Variants in GLYATL2 observed in about 807,000 individuals in gnomAD.
The protein encoded by GLYATL2 is glycine-N-acyltransferase like 2.
GLYATL2 carries 25 observed loss-of-function variants against 21.4 expected under a neutral mutation model. That is an observed-to-expected ratio of 1.17 (90% CI 0.85 to 1.63). The LOEUF is 1.63. Ranked by LOEUF, GLYATL2 falls within the 40% of genes most tolerant of loss-of-function variation. The pLI, the probability that GLYATL2 is intolerant of heterozygous loss-of-function variation, is 0.00. For synonymous variants in GLYATL2, 114 were observed against 118.2 expected (o/e 0.96, Z 0.23); for missense variants, 361 against 343.3 (o/e 1.05, Z -0.41).
chr11:58,854,074 G>A (rs754422991), intron 1 of GLYATL2, among the ~76,000 whole-genome samples: 9 of 152,100 alleles, frequency 5.9e-5, no homozygotes, highest in Non-Finnish European at 1.0e-4. Flanking sequence ...TCTGTGCCTG[G>A]TTTATTTTAC....
chr11:58,844,410 G>C (rs1853606337), intron 1 of GLYATL2, 24 bp downstream of exon 1: 1 of 152,144 alleles, frequency 6.6e-6, no homozygotes, highest in Admixed American at 6.5e-5. Context: ...AGATAAAAAG[G>C]CTGTTCTAAA....
intron 1 of GLYATL2, among the ~76,000 whole-genome samples, chr11:58,877,054 G>T (rs1027049050): frequency 6.6e-6 from 1 of 152,230 alleles, no homozygotes; most frequent in Non-Finnish European, 1.5e-5. Flanking sequence ...TGCTAGCAAT[G>T]AGTGAGGCTC....
intron 1 of GLYATL2, among the ~76,000 whole-genome samples, chr11:58,882,655 C>A (rs1854361580): frequency 6.6e-6 from 1 of 152,120 alleles, no homozygotes; most frequent in South Asian, 2.1e-4. Flanking sequence ...AAGTCCTTGC[C>A]CATGCCGATG....
At chr11:58,884,026 G>A (rs997854238) in intron 1 of GLYATL2, among the ~76,000 whole-genome samples, 3 of 152,098 alleles carry the variant, frequency 2.0e-5, no homozygotes, top group African/African-American at 4.8e-5. Context: ...AGTCCTTCAC[G>A]CTAAAAACTC....
At chr11:58,897,537 G>A (rs962505924) in intron 1 of GLYATL2, among the ~76,000 whole-genome samples, 1 of 151,802 alleles carries the variant, frequency 6.6e-6, no homozygotes, top group Non-Finnish European at 1.5e-5. Flanking sequence ...CTTCCCACCT[G>A]CCCCAACCAA....
intron 1 of GLYATL2, among the ~76,000 whole-genome samples, chr11:58,891,089 A>G (rs1038705810): frequency 8.5e-5 from 13 of 152,104 alleles, no homozygotes; most frequent in African/African-American, 3.1e-4. Flanking sequence ...TTTTAAATTC[A>G]CTGAGATTTT....
At chr11:58,874,483 G>A (rs866910554) in intron 1 of GLYATL2, among the ~76,000 whole-genome samples, 13 of 152,330 alleles carry the variant, frequency 8.5e-5, no homozygotes, top group Middle Eastern at 3.4e-3. Flanking sequence ...ATTCTGGAAT[G>A]TTGTGTCTTT....
intron 1 of GLYATL2, among the ~76,000 whole-genome samples, chr11:58,841,437 G>T (rs1482276894): frequency 1.3e-5 from 2 of 152,140 alleles, no homozygotes; most frequent in Non-Finnish European, 2.9e-5. Flanking sequence ...TTGTCATGAG[G>T]ATTTCATTGC....
At chr11:58,869,025 C>T (rs184451305) in intron 1 of GLYATL2, among the ~76,000 whole-genome samples, 1 of 151,288 alleles carries the variant, frequency 6.6e-6, no homozygotes, top group East Asian at 2.0e-4. Flanking sequence ...TTTGTGGGTA[C>T]CAGATGGTGG....
chr11:58,859,098 G>A (rs1033412002), intron 1 of GLYATL2, among the ~76,000 whole-genome samples: 1 of 152,122 alleles, frequency 6.6e-6, no homozygotes, highest in African/African-American at 2.4e-5. Context: ...TGTAGTCTGT[G>A]GAGAAAATGT....
intron 1 of GLYATL2, among the ~76,000 whole-genome samples, chr11:58,853,490 C>T (rs1425716660): frequency 6.6e-6 from 1 of 152,140 alleles, no homozygotes; most frequent in Non-Finnish European, 1.5e-5. Flanking sequence ...GGAACCAATT[C>T]CTCCAGGATA....
rs969145007 is a variant in GLYATL2 at position 58,876,248 on chromosome 11, G to A, written n.60+27908C>T. ...CCATTGGTTCTAACTTCCTCCTTTA[G>A]CTTGGAGTAGTTTGATCTTCTGAAG... On this transcript the variant is annotated intron_variant and non_coding_transcript_variant, in intron 1 of 4. Coordinates refer to the GLYATL2 transcript ENST00000533636. Among the ~76,000 whole-genome samples the A allele has an allele frequency of 2.6e-5, 4 of 152,230 alleles. No individual in the cohort carries two copies. The East Asian group carries it at 7.7e-4, about 29-fold the overall frequency.
chr11:58,866,024 T>C (rs1403193904), intron 1 of GLYATL2, among the ~76,000 whole-genome samples: 1 of 148,892 alleles, frequency 6.7e-6, no homozygotes, highest in Non-Finnish European at 1.5e-5. Context: ...GCATGTCCTG[T>C]GGATCCCACA....
chr11:58,861,616 T>A (rs1170252254), intron 1 of GLYATL2, among the ~76,000 whole-genome samples: 1 of 151,992 alleles, frequency 6.6e-6, no homozygotes, highest in African/African-American at 2.4e-5. Context: ...ATGGGCTTAG[T>A]TTGTTCTTTT....
chr11:58,906,345 C>G (rs564571160), upstream of GLYATL2, among the ~76,000 whole-genome samples: 1 of 152,290 alleles, frequency 6.6e-6, no homozygotes, highest in South Asian at 2.1e-4. Context: ...TCGTTTGACC[C>G]TGGTGGATCC....
intron 1 of GLYATL2, among the ~76,000 whole-genome samples, chr11:58,888,285 T>C (rs150893669): frequency 7.2e-5 from 11 of 152,240 alleles, no homozygotes; most frequent in Non-Finnish European, 1.5e-4. Context: ...GATGGAGATT[T>C]TGACATGAAG....
At chr11:58,836,567 G>GTA (rs10624171) in intron 5 of GLYATL2, among the ~76,000 whole-genome samples, 38,944 of 151,974 alleles carry the variant, frequency 0.26, 5,408 homozygotes, top group East Asian at 0.5. Flanking sequence ...TTGCAGTAAA[G>GTA]TGTGTATGTG....
chr11:58,873,193 G>A (rs1040686146), intron 1 of GLYATL2, among the ~76,000 whole-genome samples: 15 of 151,174 alleles, frequency 9.9e-5, no homozygotes, highest in Non-Finnish European at 1.9e-4. Context: ...GGGCTGAGAC[G>A]ATGGGGTTTT....
chr11:58,834,932 C>T, intron 5 of GLYATL2, 95 bp from the exon 6 acceptor site: 1 of 899,846 alleles, frequency 1.1e-6, no homozygotes, highest in Non-Finnish European at 1.7e-6. Context: ...TCCTTAAGGA[C>T]CCTACAGCCT....
Sources: gnomAD v4.1 joint callset for allele counts (sites outside exome capture counted in the v4.1 genomes callset) on GRCh38, gnomAD v4.1.1 for gene constraint, MANE v1.5 for transcripts, NCBI Gene and HGNC (gene_info 2026-07-23, HGNC 2026-07-21) for gene names.